Variants in KDM2B observed in about 807,000 individuals in gnomAD.
The protein encoded by KDM2B is lysine demethylase 2B, also known as lysine-specific demethylase 2B.
In KDM2B, 26 loss-of-function variants were observed where a neutral mutation model predicts 150.0. The ratio of observed to expected loss-of-function variants is 0.17; its 90% CI spans 0.13 to 0.24. The LOEUF (loss-of-function observed/expected upper bound fraction) is 0.24, where lower values mean the gene tolerates loss of function less well. Ranked by LOEUF, KDM2B falls within the 10% of genes least tolerant of loss-of-function variation. The probability of loss-of-function intolerance (pLI) is 1.00; values close to 1 mark genes in which losing one functional copy is unlikely to be tolerated. For synonymous variants in KDM2B, 734 were observed against 729.5 expected (o/e 1.01, Z -0.10); for missense variants, 1,265 against 1,816.9 (o/e 0.70, Z 5.52).
At chr12:121,435,515 G>GT (rs1873841381) in intron 22 of KDM2B, among the ~76,000 whole-genome samples, 1 of 152,172 alleles carries the variant, frequency 6.6e-6, no homozygotes, top group Non-Finnish European at 1.5e-5. Flanking sequence ...GATGGTGTTA[G>GT]TAACAGAAGC....
intron 11 of KDM2B, among the ~76,000 whole-genome samples, chr12:121,504,945 T>C (rs1186323063): frequency 6.6e-6 from 1 of 151,696 alleles, no homozygotes; most frequent in Non-Finnish European, 1.5e-5. Flanking sequence ...TGAAACCCCG[T>C]CTCTACTAAA....
chr12:121,434,838 T>TG (rs1555286381), intron 22 of KDM2B, among the ~76,000 whole-genome samples: 4 of 152,082 alleles, frequency 2.6e-5, no homozygotes, highest in Admixed American at 2.6e-4. Context: ...GTGCCTGTAG[T>TG]CCCAGCTACT....
intron 6 of KDM2B, among the ~76,000 whole-genome samples, chr12:121,546,543 C>T (rs1243621502): frequency 4.6e-5 from 7 of 150,894 alleles, no homozygotes; most frequent in Non-Finnish European, 7.4e-5. Context: ...CCACCATGCC[C>T]GGCTAATTTT....
intron 12 of KDM2B, among the ~76,000 whole-genome samples, chr12:121,474,918 T>C (rs1412070000): frequency 6.6e-6 from 1 of 152,118 alleles, no homozygotes; most frequent in African/African-American, 2.4e-5. Flanking sequence ...TGCCACTCAC[T>C]GCTCTCCAGC....
intron 8 of KDM2B, among the ~76,000 whole-genome samples, chr12:121,528,154 A>G (rs1284788432): frequency 6.6e-6 from 1 of 152,016 alleles, no homozygotes; most frequent in Non-Finnish European, 1.5e-5. Flanking sequence ...GCAAGCTCAA[A>G]CCCCTTTCTC....
upstream of KDM2B, chr12:121,581,179 A>C: frequency 2.6e-6 from 1 of 391,782 alleles, no homozygotes; most frequent in Non-Finnish European, 4.6e-6. Flanking sequence ...TGCGCTCGGC[A>C]AGGGGAGCAG....
chr12:121,580,762 C>T (rs781786968), intron 1 of KDM2B, 24 bp downstream of exon 1: 2 of 1,610,388 alleles, frequency 1.2e-6, no homozygotes, highest in African/African-American at 2.7e-5. Flanking sequence ...CCTCTTCTTT[C>T]ATCCACCCCT....
Position 121,430,477 on chromosome 12 carries a change from G to T in KDM2B, c.3830-8C>A. The T allele has an allele frequency of 6.2e-7, 1 of 1,608,342 alleles. No individual in the cohort carries two copies. Among genetic ancestry groups the T allele is most frequent in the Non-Finnish European group, 8.5e-7 (1 of 1,174,718 alleles). On this transcript the variant is annotated splice_region_variant and splice_polypyrimidine_tract_variant and intron_variant, in intron 22 of 22. Transcript: ENST00000377071. This position sits in a 1 kb window ranked among gnomAD's most constrained non-coding sequence, Gnocchi z 4.4. ...CAGTGACCTTATTGCAGTCTGCAGA[G>T]AAGAAATAGTAATGTGAGGTGTGAA...
chr12:121,497,136 A>G (rs1181840106), intron 11 of KDM2B, among the ~76,000 whole-genome samples: 2 of 152,088 alleles, frequency 1.3e-5, no homozygotes, highest in African/African-American at 2.4e-5. Flanking sequence ...AACTGGCTCC[A>G]GGGGTTTAAA....
intron 12 of KDM2B, among the ~76,000 whole-genome samples, chr12:121,479,335 C>T (rs1001826006): frequency 2.7e-5 from 4 of 147,150 alleles, no homozygotes; most frequent in Non-Finnish European, 4.5e-5. Context: ...GGCATGGTGG[C>T]GGGTGCCTGT....
intron 4 of KDM2B, among the ~76,000 whole-genome samples, chr12:121,573,439 C>T (rs1370154611): frequency 6.6e-6 from 1 of 151,910 alleles, no homozygotes; most frequent in Admixed American, 6.6e-5. Context: ...TGCACCACCA[C>T]GCCCAGCTAA....
chr12:121,457,380 G>C (rs577119534), intron 12 of KDM2B, among the ~76,000 whole-genome samples: 139 of 152,062 alleles, frequency 9.1e-4, no homozygotes, highest in African/African-American at 3.2e-3. Flanking sequence ...TTGTGCTTCA[G>C]CCTCCCGAAT....
intron 6 of KDM2B, among the ~76,000 whole-genome samples, chr12:121,541,789 T>C (rs1555309817): frequency 6.6e-6 from 1 of 152,168 alleles, no homozygotes; most frequent in Non-Finnish European, 1.5e-5. Context: ...GATCACAGCA[T>C]ATCTTCATTC....
At chr12:121,540,456 T>G (rs1888518417) in intron 6 of KDM2B, among the ~76,000 whole-genome samples, 2 of 151,772 alleles carry the variant, frequency 1.3e-5, no homozygotes, top group Non-Finnish European at 1.5e-5. Flanking sequence ...GACTGAAAAG[T>G]AGAGGATGAG....
At chr12:121,434,440 G>A (rs1873606188) in intron 22 of KDM2B, among the ~76,000 whole-genome samples, 1 of 147,922 alleles carries the variant, frequency 6.8e-6, no homozygotes, top group South Asian at 2.1e-4. Flanking sequence ...AGGTTGCAGT[G>A]AGCCAAGATC....
intron 13 of KDM2B, among the ~76,000 whole-genome samples, chr12:121,449,368 T>A (rs1876844134): frequency 6.6e-6 from 1 of 152,032 alleles, no homozygotes; most frequent in Non-Finnish European, 1.5e-5. Context: ...ACGTGAGAAG[T>A]GCCCTGGCAG....
intron 12 of KDM2B, among the ~76,000 whole-genome samples, chr12:121,484,708 C>T (rs1057077694): frequency 6.6e-6 from 1 of 152,006 alleles, no homozygotes; most frequent in Non-Finnish European, 1.5e-5. Flanking sequence ...GTCCCAGCTA[C>T]TTGGGAGGCT....
the KDM2B span, among the ~76,000 whole-genome samples, chr12:121,414,791 G>C: frequency 6.6e-6 from 1 of 151,714 alleles, no homozygotes; most frequent in Admixed American, 6.6e-5. Context: ...TCGTGCCTTT[G>C]GCCCTCGCTG....
rs1344902114 is a variant in KDM2B, at chr12:121,533,739, G to A, written c.777+758C>T. Among the ~76,000 whole-genome samples, 1 of 152,224 alleles carries A rather than the reference G, an allele frequency of 6.6e-6. No individual in the cohort carries two copies. Among genetic ancestry groups the A allele is most frequent in the African/African-American group, 2.4e-5 (1 of 41,450 alleles). On this transcript the variant is annotated intron_variant, in intron 7 of 22. Transcript: ENST00000377071. The surrounding 1 kb of genome is among the most constrained non-coding windows in gnomAD (Gnocchi z 4.1). ...AACACCAGACTGGGTGAGTGGAGCA[G>A]GCCTGCATGGGTGACTAGATGCGAT...
Sources: allele counts gnomAD v4.1 joint callset (sites outside exome capture counted in the v4.1 genomes callset), GRCh38; gene constraint gnomAD v4.1.1; non-coding constraint Gnocchi (gnomAD v3.1); transcripts MANE v1.5; gene names NCBI Gene and HGNC (gene_info 2026-07-23, HGNC 2026-07-21).